KAZN: variants seen among roughly 807,000 people sequenced by gnomAD.
The protein encoded by KAZN is kazrin.
In KAZN, 40 loss-of-function variants were observed where a neutral mutation model predicts 87.4. That is an observed-to-expected ratio of 0.46 (90% CI 0.36 to 0.60). The LOEUF is 0.60. Ranked by LOEUF, KAZN falls within the 20% of genes least tolerant of loss-of-function variation. The probability of loss-of-function intolerance (pLI) is 0.00; values close to 1 mark genes in which losing one functional copy is unlikely to be tolerated. For synonymous variants in KAZN, 466 were observed against 458.3 expected, an observed-to-expected ratio of 1.02 and a Z score of -0.22; for missense variants, 898 against 1,073.9, an observed-to-expected ratio of 0.84 and a Z score of 2.29.
intron 2 of KAZN, among the ~76,000 whole-genome samples, chr1:14,468,459 C>T (rs193041045): frequency 7.2e-5 from 11 of 152,236 alleles, no homozygotes; most frequent in Admixed American, 2.6e-4. Context: ...GGAAGATCAG[C>T]GATCTAGCCA....
At chr1:14,946,136 A>T (rs1661741274) in intron 1 of KAZN, 1 of 154,210 alleles carries the variant, frequency 6.5e-6, no homozygotes, top group South Asian at 2.1e-4. Context: ...CCAGTTCCAG[A>T]ACCACTGCTC....
At chr1:14,737,616 A>G (rs1643946869) in intron 1 of KAZN, among the ~76,000 whole-genome samples, 1 of 152,230 alleles carries the variant, frequency 6.6e-6, no homozygotes, top group Non-Finnish European at 1.5e-5. Flanking sequence ...CCATGGCTGA[A>G]CTGGGCTCTC....
intron 1 of KAZN, among the ~76,000 whole-genome samples, chr1:14,122,629 T>G (rs1399519257): frequency 2.6e-5 from 4 of 152,216 alleles, no homozygotes; most frequent in Admixed American, 2.0e-4. Flanking sequence ...TAAGCCACAG[T>G]AGAAGCAATT....
chr1:14,357,629 C>T (rs10927411), intron 2 of KAZN, among the ~76,000 whole-genome samples: 47,910 of 151,932 alleles, frequency 0.32, 8,314 homozygotes, highest in Middle Eastern at 0.43. Context: ...GTTTTTAGCA[C>T]GAAGCGGTGT....
chr1:15,046,328 A>G (rs534340734), intron 4 of KAZN, among the ~76,000 whole-genome samples: 78 of 150,836 alleles, frequency 5.2e-4, no homozygotes, highest in African/African-American at 1.9e-3. Flanking sequence ...AGGAAGAGAA[A>G]ATATATTTGC....
At chr1:14,589,584 T>C (rs686570) in intron 2 of KAZN, among the ~76,000 whole-genome samples, 125,929 of 152,158 alleles carry the variant, frequency 0.83, 52,423 homozygotes, top group African/African-American at 0.92. Flanking sequence ...CACTTTGGTG[T>C]TGGAATAATT....
chr1:14,997,293 T>A (rs1258058351), intron 2 of KAZN, among the ~76,000 whole-genome samples: 2 of 151,610 alleles, frequency 1.3e-5, no homozygotes, highest in Non-Finnish European at 2.9e-5. Flanking sequence ...CAGGCTGGAG[T>A]GCAATGGCGC....
At position 14,432,056 on chromosome 1, in the gene KAZN, A is replaced by AATTG. The variant is rs1339083294; in HGVS notation, c.250-166926_250-166923dup. Among the ~76,000 whole-genome samples the AATTG allele has an allele frequency of 2.0e-5, 3 of 152,162 alleles. No individual in the cohort carries two copies. In the South Asian group the frequency reaches 6.2e-4, roughly 32 times the overall value. Reference sequence around the variant, plus strand: ...GGTGTGAAGAGTAAGGATCTCCCAGAATTGTGCTAAAATCAAAGACTATGT... The same window carrying AATTG: ...GGTGTGAAGAGTAAGGATCTCCCAGAATTGATTGTGCTAAAATCAAAGACTATGT... On this transcript the variant is annotated intron_variant, in intron 2 of 16. Transcript: ENST00000636203.
chr1:14,266,524 G>T (rs1400506091), intron 2 of KAZN, among the ~76,000 whole-genome samples: 1 of 152,170 alleles, frequency 6.6e-6, no homozygotes, highest in African/African-American at 2.4e-5. Flanking sequence ...ACCCTGAAAT[G>T]CTTTTAATAC....
At chr1:14,742,150 G>A (rs143428408) in intron 1 of KAZN, among the ~76,000 whole-genome samples, 1 of 152,278 alleles carries the variant, frequency 6.6e-6, no homozygotes, top group Non-Finnish European at 1.5e-5. Flanking sequence ...TGTGAGTGGG[G>A]TCCTCTCCAA....
chr1:15,054,618 C>G (rs1490376817), intron 4 of KAZN, among the ~76,000 whole-genome samples: 1 of 150,854 alleles, frequency 6.6e-6, no homozygotes, highest in South Asian at 2.1e-4. Context: ...CGCCACTGCA[C>G]TCCGGCCTGG....
rs534802341 is a variant in KAZN at position 14,690,271 on chromosome 1, C to T, written c.226+91048C>T. ...GGTAATATACAAGGCCCTATAAAAA[C>T]ATGTACTTGGTGCAATCCCACATAA... is the stretch of plus-strand genomic sequence containing the variant. On this transcript the variant is annotated intron_variant, in intron 1 of 14. Transcript: ENST00000376030. Among the ~76,000 whole-genome samples the T allele has an allele frequency of 9.8e-5, 15 of 152,304 alleles. No individual in the cohort carries two copies. The South Asian group carries it at 3.1e-3, about 32-fold the overall frequency.
intron 6 of KAZN, chr1:15,062,294 C>G (rs1638862134): frequency 6.6e-6 from 1 of 152,668 alleles, no homozygotes; most frequent in South Asian, 2.1e-4. Context: ...TCTCTTTACC[C>G]ATAGATTTGG....
intron 2 of KAZN, among the ~76,000 whole-genome samples, chr1:14,531,147 A>G (rs2105239): frequency 0.44 from 66,685 of 152,046 alleles, 15,158 homozygotes; most frequent in Middle Eastern, 0.56. Flanking sequence ...ATGGACTGAC[A>G]CGCATCTCAA....
At chr1:13,947,606 G>A (rs1018894491) in intron 1 of KAZN, among the ~76,000 whole-genome samples, 2 of 152,202 alleles carry the variant, frequency 1.3e-5, no homozygotes, top group Non-Finnish European at 2.9e-5. Context: ...CCTTAGGGCT[G>A]TATTAGTCTG....
At chr1:15,063,659 C>G (rs569126629) in intron 7 of KAZN, 37 bp downstream of exon 7, 34 of 1,524,310 alleles carry the variant, frequency 2.2e-5, no homozygotes, top group Middle Eastern at 1.7e-4. Context: ...AACCCTCCCT[C>G]CACCCCACCT....
chr1:14,466,697 G>A (rs374142517), intron 2 of KAZN, among the ~76,000 whole-genome samples: 41 of 151,094 alleles, frequency 2.7e-4, no homozygotes, highest in East Asian at 1.6e-3. Flanking sequence ...GGCCAGGCGC[G>A]GTGGCTCACG....
chr1:15,026,791 C>G (rs372140722), intron 2 of KAZN, among the ~76,000 whole-genome samples: 77 of 151,930 alleles, frequency 5.1e-4, no homozygotes, highest in African/African-American at 1.7e-3. Flanking sequence ...TCATTTTTCT[C>G]TAAACAATGC....
intron 1 of KAZN, among the ~76,000 whole-genome samples, chr1:14,841,009 C>T (rs1294972106): frequency 6.6e-6 from 1 of 152,156 alleles, no homozygotes; most frequent in Non-Finnish European, 1.5e-5. Flanking sequence ...TAAGCATGCA[C>T]ACATCTGGGG....
Sources: allele counts gnomAD v4.1 joint callset (sites outside exome capture counted in the v4.1 genomes callset), GRCh38; gene constraint gnomAD v4.1.1; transcripts MANE v1.5; gene names NCBI Gene and HGNC (gene_info 2026-07-23, HGNC 2026-07-21).